The following ACBD6 variants were observed in gnomAD, a reference collection of about 807,000 sequenced individuals.
ACBD6 encodes acyl-CoA binding domain containing 6, also known as acyl-CoA-binding domain-containing protein 6.
Under a neutral mutation model 37.2 loss-of-function variants are expected in ACBD6, and 28 were observed. The observed-to-expected ratio is 0.75, with a 90% CI of 0.56 to 1.03. The LOEUF (loss-of-function observed/expected upper bound fraction) is 1.03. Among genes scored for constraint, ACBD6 ranks in the 50% least tolerant of loss-of-function variants. The pLI, the probability that ACBD6 is intolerant of heterozygous loss-of-function variation, is 0.00. For synonymous variants in ACBD6, 113 were observed against 126.8 expected (o/e 0.89, Z 0.73); for missense variants, 340 against 337.4 (o/e 1.01, Z -0.06).
At chr1:180,406,921 G>C (rs951995442) in intron 5 of ACBD6, among the ~76,000 whole-genome samples, 1 of 152,194 alleles carries the variant, frequency 6.6e-6, no homozygotes, top group Non-Finnish European at 1.5e-5. Context: ...CAAAAGGACA[G>C]AAAGGGTTAA....
intron 5 of ACBD6, among the ~76,000 whole-genome samples, chr1:180,409,711 T>C (rs1232005920): frequency 6.6e-6 from 1 of 152,180 alleles, no homozygotes; most frequent in Non-Finnish European, 1.5e-5. Context: ...CTGTTCCTGG[T>C]CTCTCCCCCT....
chr1:180,361,994 G>T (rs1652872727), intron 6 of ACBD6, among the ~76,000 whole-genome samples: 4 of 151,692 alleles, frequency 2.6e-5, no homozygotes, highest in Admixed American at 2.6e-4. Flanking sequence ...TTTAAAAAAT[G>T]AGAATCTATT....
chr1:180,269,971 C>T (rs1451985007), exon 14 of ACBD6: 2 of 152,174 alleles, frequency 1.3e-5, no homozygotes, highest in African/African-American at 2.4e-5. Flanking sequence ...GAAAACAGCC[C>T]GAGGAGAAGG....
At chr1:180,457,154 G>A (rs1190694054) in intron 3 of ACBD6, among the ~76,000 whole-genome samples, 1 of 152,068 alleles carries the variant, frequency 6.6e-6, no homozygotes, top group African/African-American at 2.4e-5. Context: ...GTACCTAAAG[G>A]AGAGCATGTA....
At chr1:180,404,476 G>A (rs1647523444) in intron 5 of ACBD6, among the ~76,000 whole-genome samples, 1 of 151,746 alleles carries the variant, frequency 6.6e-6, no homozygotes, top group African/African-American at 2.4e-5. Flanking sequence ...GTGTATTTTT[G>A]AGACAGAGTC....
chr1:180,498,092 T>G (rs1480825511), intron 1 of ACBD6, among the ~76,000 whole-genome samples: 13 of 152,240 alleles, frequency 8.5e-5, no homozygotes. Context: ...TATGGTTTAC[T>G]GAGTTACACA....
chr1:180,459,326 T>A (rs1650041258), intron 3 of ACBD6, among the ~76,000 whole-genome samples: 1 of 152,166 alleles, frequency 6.6e-6, no homozygotes, highest in Non-Finnish European at 1.5e-5. Flanking sequence ...CCCCCCTAAG[T>A]ATATCTGACC....
intron 2 of ACBD6, among the ~76,000 whole-genome samples, chr1:180,493,284 A>G (rs981418152): frequency 4.2e-5 from 6 of 144,506 alleles, no homozygotes; most frequent in East Asian, 2.1e-4. Context: ...AAAAACAACA[A>G]CAGCAACTAA....
chr1:180,337,610 C>G (rs1651794233), intron 6 of ACBD6, among the ~76,000 whole-genome samples: 2 of 152,194 alleles, frequency 1.3e-5, no homozygotes, highest in Non-Finnish European at 2.9e-5. Context: ...GGGATGCCCT[C>G]TCTCACCACT....
chr1:180,478,220 TTTTA>T (rs1388650815), intron 3 of ACBD6, among the ~76,000 whole-genome samples: 2 of 152,134 alleles, frequency 1.3e-5, no homozygotes, highest in African/African-American at 2.4e-5. Flanking sequence ...TAAAATGTAT[TTTTA>T]TTTATTAAGT....
At chr1:180,284,000 T>C (rs889827158), downstream of ACBD6, among the ~76,000 whole-genome samples, 6 of 152,184 alleles carry the variant, frequency 3.9e-5, 1 homozygote, top group Non-Finnish European at 8.8e-5. Context: ...AAGCCGTGAA[T>C]TCCCAATAAC....
At chr1:180,466,879 G>A (rs908993494) in intron 3 of ACBD6, among the ~76,000 whole-genome samples, 3 of 151,906 alleles carry the variant, frequency 2.0e-5, no homozygotes, top group Admixed American at 6.6e-5. Flanking sequence ...TACATATAAA[G>A]CATTTAGAAT....
intron 1 of ACBD6, among the ~76,000 whole-genome samples, chr1:180,495,796 G>A (rs1234230131): frequency 6.6e-6 from 1 of 152,112 alleles, no homozygotes; most frequent in Non-Finnish European, 1.5e-5. Context: ...GTTGCACTTC[G>A]AAGTTAGTAG....
At chr1:180,353,651 G>A (rs942360246) in intron 6 of ACBD6, among the ~76,000 whole-genome samples, 2 of 151,260 alleles carry the variant, frequency 1.3e-5, no homozygotes, top group African/African-American at 4.8e-5. Context: ...TATTTAATTA[G>A]TGTTCCCATA....
intron 3 of ACBD6, among the ~76,000 whole-genome samples, chr1:180,481,114 A>T (rs1346743258): frequency 6.6e-6 from 1 of 152,112 alleles, no homozygotes; most frequent in Non-Finnish European, 1.5e-5. Context: ...TGGAGCTAAC[A>T]TCCAATTCCC....
At position 180,502,356 on chromosome 1, in the gene ACBD6, G is replaced by A; in HGVS notation, c.-90C>T. 1 of 1,446,784 alleles carries A rather than the reference G, an allele frequency of 6.9e-7. No homozygotes were observed. The highest frequency in any genetic ancestry group is 9.5e-7 in the Non-Finnish European group (1 of 1,048,220). 89.6% of individuals were successfully genotyped at this position (1,446,784 alleles called of 1,614,324 possible). A position where few individuals can be genotyped will look rare whatever the true frequency, so the allele number is the denominator to read the frequency against. On this transcript the variant is annotated 5_prime_UTR_variant, in exon 1 of 8. Transcript: ENST00000367595. ...CTTGGAGGCCTGGCCCACCAGTCTG[G>A]GTCGCGAGCCTGAGCTCCAGTCGGA...
chr1:180,383,431 C>T (rs1456217440), intron 6 of ACBD6, among the ~76,000 whole-genome samples: 1 of 152,016 alleles, frequency 6.6e-6, no homozygotes, highest in Non-Finnish European at 1.5e-5. Flanking sequence ...AAGGCAATCC[C>T]ATTTACAATA....
At chr1:180,493,514 T>C (rs1291847418) in intron 2 of ACBD6, among the ~76,000 whole-genome samples, 8 of 152,118 alleles carry the variant, frequency 5.3e-5, no homozygotes, top group Admixed American at 5.2e-4. Context: ...TCCCACATTT[T>C]TTCACTACCT....
At chr1:180,472,707 T>C (rs1204841062) in intron 3 of ACBD6, among the ~76,000 whole-genome samples, 2 of 152,174 alleles carry the variant, frequency 1.3e-5, no homozygotes, top group Non-Finnish European at 2.9e-5. Flanking sequence ...TATCCTGAGT[T>C]TACCAGGAAA....
Sources: gnomAD v4.1 joint callset for allele counts (sites outside exome capture counted in the v4.1 genomes callset) on GRCh38, gnomAD v4.1.1 for gene constraint, MANE v1.5 for transcripts, NCBI Gene and HGNC (gene_info 2026-07-23, HGNC 2026-07-21) for gene names.